AGAP1: variants seen among roughly 807,000 people sequenced by gnomAD.
The protein encoded by AGAP1 is ArfGAP with GTPase domain, ankyrin repeat and PH domain 1.
A neutral mutation model predicts 105.3 loss-of-function variants in AGAP1; 29 were observed. That is an observed-to-expected ratio of 0.28 (90% CI 0.21 to 0.38). The LOEUF (loss-of-function observed/expected upper bound fraction) is 0.38. Among genes scored for constraint, AGAP1 ranks in the 10% least tolerant of loss-of-function variants. AGAP1 has a pLI of 1.00. For missense variants in AGAP1, 998 were observed against 1,165.1 expected (o/e 0.86, Z 2.09); for synonymous variants, 509 against 485.9 (o/e 1.05, Z -0.63).
rs2057650322 is a variant in AGAP1 at position 236,044,299 on chromosome 2, G to A, written c.1891+3458G>A. Among the ~76,000 whole-genome samples the A allele has an allele frequency of 6.6e-6, 1 of 152,118 alleles. No homozygotes were observed. The highest frequency in any genetic ancestry group is 2.1e-4 in the South Asian group (1 of 4,804). ...GTGCCTGTTGCCTGCCTTCTGCCAGGAACATGCCAAGGAAAGTCCACACCT... is the reference window on the plus strand; with the variant it reads ...GTGCCTGTTGCCTGCCTTCTGCCAGAAACATGCCAAGGAAAGTCCACACCT... On this transcript the variant is annotated intron_variant, in intron 15 of 17. Coordinates refer to ENST00000304032, the MANE Select transcript of AGAP1 (RefSeq NM_001037131.3). This position sits in a 1 kb window ranked among gnomAD's most constrained non-coding sequence, Gnocchi z 5.7.
rs2125889887 is a variant in AGAP1 at position 236,096,973 on chromosome 2, G to A, written c.2115-23219G>A. Reference sequence around the variant, plus strand: ...TTTTACCAAATGCATTGAGCTGAATGGAAAAAACAAACTTTATTGGTAATA... The same window carrying A: ...TTTTACCAAATGCATTGAGCTGAATAGAAAAAACAAACTTTATTGGTAATA... On this transcript the variant is annotated intron_variant, in intron 16 of 17. Transcript: ENST00000304032. This position sits in a 1 kb window ranked among gnomAD's most constrained non-coding sequence, Gnocchi z 4.4. Among the ~76,000 whole-genome samples, 1 of 152,220 alleles carries A rather than the reference G, an allele frequency of 6.6e-6. No homozygotes were observed. The highest frequency in any genetic ancestry group is 2.4e-5 in the African/African-American group (1 of 41,538).
In AGAP1 at chr2:236,012,894, G is replaced by T. The variant is rs958316198; in HGVS notation, c.1646-23667G>T. 6.6e-6 allele frequency among the ~76,000 whole-genome samples: 1 copy of T among 152,034 alleles called. No homozygotes were observed. The highest frequency in any genetic ancestry group is 1.5e-5 in the Non-Finnish European group (1 of 67,996). ...CCAGAGTAGCTGGGATTATAGGCGT[G>T]CCCCACCATGCACAGCTAATTTTTG... On this transcript the variant is annotated intron_variant, in intron 13 of 17. Coordinates refer to ENST00000304032, the MANE Select transcript of AGAP1 (RefSeq NM_001037131.3). This position sits in a 1 kb window ranked among gnomAD's most constrained non-coding sequence, Gnocchi z 4.9.
In AGAP1 at chr2:235,869,420, TAAAAAAAAAAAAA is replaced by T. The variant is rs35813316; in HGVS notation, c.1051-13906_1051-13894del. 8.6e-4 allele frequency among the ~76,000 whole-genome samples: 43 copies of T among 49,958 alleles called. No homozygotes were observed. In the East Asian group the frequency reaches 0.015, roughly 17 times the overall value. 32.8% of individuals were successfully genotyped at this position (49,958 alleles called of 152,430 possible). A position where few individuals can be genotyped will look rare whatever the true frequency, so the allele number is the denominator to read the frequency against. ...CAACATGGTGAAACTCCATCTCTAC[TAAAAAAAAAAAAA>T]AAAAAAAAAAAAAAAAAATTAGCCG... On this transcript the variant is annotated intron_variant, in intron 9 of 17. Coordinates refer to ENST00000304032, the MANE Select transcript of AGAP1 (RefSeq NM_001037131.3).
chr2:236,049,361 C>T lies in AGAP1; in HGVS notation c.2114+80C>T, dbSNP rs1314709794. On this transcript the variant is annotated intron_variant, in intron 16 of 17. Coordinates refer to ENST00000304032, the MANE Select transcript of AGAP1 (RefSeq NM_001037131.3). ...CTGGAAGTGATCATAATGACAGCCA[C>T]GGTTGGGAAGGCCCTGATAACCTGT... 25 of 1,333,916 alleles carry T rather than the reference C, an allele frequency of 1.9e-5. No individual in the cohort carries two copies. The Middle Eastern group carries it at 7.1e-4, about 38-fold the overall frequency. 82.6% of individuals were successfully genotyped at this position (1,333,916 alleles called of 1,614,324 possible). A position where few individuals can be genotyped will look rare whatever the true frequency, so the allele number is the denominator to read the frequency against.
At chr2:235,538,345 C>CA (rs1943308281) in intron 1 of AGAP1, among the ~76,000 whole-genome samples, 1 of 151,878 alleles carries the variant, frequency 6.6e-6, no homozygotes, top group African/African-American at 2.4e-5. Flanking sequence ...TATTCAATCA[C>CA]AAAATGCATT....
Position 236,125,214 on chromosome 2 carries a change from T to C in AGAP1, c.*1092T>C, listed in dbSNP as rs2059984075. The C allele has an allele frequency of 6.4e-6, 1 of 156,416 alleles. No individual in the cohort carries two copies. Among genetic ancestry groups the C allele is most frequent in the African/African-American group, 2.4e-5 (1 of 41,430 alleles). 9.7% of individuals were successfully genotyped at this position (156,416 alleles called of 1,614,324 possible). On this transcript the variant is annotated 3_prime_UTR_variant, in exon 18 of 18. Coordinates refer to ENST00000304032, the MANE Select transcript of AGAP1 (RefSeq NM_001037131.3). This position sits in a 1 kb window ranked among gnomAD's most constrained non-coding sequence, Gnocchi z 5.2. ...TTCTGTGTTATGTATTTAGATAAGATGTGTGAAAATATATTTGAATAAAAG... is the reference window on the plus strand; with the variant it reads ...TTCTGTGTTATGTATTTAGATAAGACGTGTGAAAATATATTTGAATAAAAG...
At chr2:235,680,979 A>G (rs1431561241) in intron 1 of AGAP1, among the ~76,000 whole-genome samples, 2 of 152,050 alleles carry the variant, frequency 1.3e-5, no homozygotes, top group African/African-American at 2.4e-5. Context: ...TCAGCTGGGC[A>G]GTTTGCTGGC....
At chr2:235,784,734 T>C (rs1292245322) in intron 6 of AGAP1, among the ~76,000 whole-genome samples, 1 of 152,184 alleles carries the variant, frequency 6.6e-6, no homozygotes, top group Non-Finnish European at 1.5e-5. Flanking sequence ...TAAAAATGTT[T>C]ATGTGGACCC....
In AGAP1 at chr2:235,664,208, T is replaced by C. The variant is rs184503162; in HGVS notation, c.164-44971T>C. Among the ~76,000 whole-genome samples the C allele has an allele frequency of 1.2e-4, 18 of 151,996 alleles. No homozygotes were observed. Among genetic ancestry groups the C allele is most frequent in the Admixed American group, 5.9e-4 (9 of 15,264 alleles). On this transcript the variant is annotated intron_variant, in intron 1 of 17. Transcript: ENST00000304032. This position sits in a 1 kb window ranked among gnomAD's most constrained non-coding sequence, Gnocchi z 5.7. ...ATAGATTGGATTTTAATATATAGTTTGTTTTTTTGTTTTTTTTTTCGAGAC... is the reference window on the plus strand; with the variant it reads ...ATAGATTGGATTTTAATATATAGTTCGTTTTTTTGTTTTTTTTTTCGAGAC...
intron 9 of AGAP1, among the ~76,000 whole-genome samples, chr2:235,823,473 G>A (rs772688785): frequency 6.6e-6 from 1 of 152,084 alleles, no homozygotes; most frequent in Non-Finnish European, 1.5e-5. Flanking sequence ...CAGAATTACA[G>A]TGAACTGCCC....
rs565884189 is a variant in AGAP1 at position 235,792,333 on chromosome 2, A to T, written c.674-5426A>T. 6.6e-6 allele frequency among the ~76,000 whole-genome samples: 1 copy of T among 152,298 alleles called. No homozygotes were observed. The highest frequency in any genetic ancestry group is 6.5e-5 in the Admixed American group (1 of 15,300). ...CCCACAAAGCTTTTGCATGGGGTTC[A>T]TCTGCCTATTCCAGGAGAGACTATG... On this transcript the variant is annotated intron_variant, in intron 6 of 17. Transcript: ENST00000304032. This position sits in a 1 kb window ranked among gnomAD's most constrained non-coding sequence, Gnocchi z 5.3.
chr2:235,546,196 T>C (rs1435885760), intron 1 of AGAP1, among the ~76,000 whole-genome samples: 1 of 152,218 alleles, frequency 6.6e-6, no homozygotes, highest in East Asian at 1.9e-4. Context: ...GATTTCTTAT[T>C]TTGTGTGACT....
intron 12 of AGAP1, among the ~76,000 whole-genome samples, chr2:235,944,773 G>T (rs968053374): frequency 1.4e-4 from 21 of 152,296 alleles, no homozygotes; most frequent in African/African-American, 5.1e-4. Context: ...TCAGAAGGCA[G>T]TGGCAGCGAC....
chr2:235,805,055 T>A (rs1269022438), intron 8 of AGAP1, among the ~76,000 whole-genome samples: 2 of 152,250 alleles, frequency 1.3e-5, no homozygotes, highest in African/African-American at 2.4e-5. Context: ...TGGATTTAAA[T>A]TTTATGGATA....
chr2:236,102,542 C>A (rs907853984), intron 16 of AGAP1, among the ~76,000 whole-genome samples: 1 of 149,058 alleles, frequency 6.7e-6, no homozygotes, highest in Non-Finnish European at 1.5e-5. Context: ...GAGCTGAGAT[C>A]GCGTCATTGC....
rs560867144 is a variant in AGAP1, at chr2:235,594,516, A to C, written c.163+99667A>C. Among the ~76,000 whole-genome samples, 19 of 152,154 alleles carry C rather than the reference A, an allele frequency of 1.2e-4. No individual in the cohort carries two copies. The South Asian group carries it at 3.7e-3, about 30-fold the overall frequency. ...TCTCTGTGGGCCAGGTACTGTGTTC[A>C]GCATTTCATGAGATTTATCAATTTT... is the stretch of plus-strand genomic sequence containing the variant. On this transcript the variant is annotated intron_variant, in intron 1 of 17. Transcript: ENST00000304032.
At chr2:235,986,725 A>G (rs1414897438) in intron 13 of AGAP1, among the ~76,000 whole-genome samples, 1 of 152,228 alleles carries the variant, frequency 6.6e-6, no homozygotes. Flanking sequence ...ATCTATTGAT[A>G]TAATGATGTG....
intron 9 of AGAP1, among the ~76,000 whole-genome samples, chr2:235,862,054 G>A (rs1003854316): frequency 1.3e-5 from 2 of 152,102 alleles, no homozygotes; most frequent in Non-Finnish European, 2.9e-5. Flanking sequence ...TTGTACTACC[G>A]GATGGCTTAG....
Position 236,105,823 on chromosome 2 carries a change from T to C in AGAP1, c.2115-14369T>C, listed in dbSNP as rs2059475257. ...CATGTTAGCCAGGGTGGTCTCGATC[T>C]CCTGACCTCATGATCCACCCTCCTC... On this transcript the variant is annotated intron_variant, in intron 16 of 17. Coordinates refer to ENST00000304032, the MANE Select transcript of AGAP1 (RefSeq NM_001037131.3). The surrounding 1 kb of genome is among the most constrained non-coding windows in gnomAD (Gnocchi z 4.2). Among the ~76,000 whole-genome samples the C allele has an allele frequency of 6.6e-6, 1 of 152,152 alleles. No homozygotes were observed. The highest frequency in any genetic ancestry group is 6.5e-5 in the Admixed American group (1 of 15,272).
Sources: gnomAD v4.1 joint callset for allele counts (sites outside exome capture counted in the v4.1 genomes callset) on GRCh38, gnomAD v4.1.1 for gene constraint, Gnocchi (gnomAD v3.1) non-coding constraint, MANE v1.5 for transcripts, NCBI Gene and HGNC (gene_info 2026-07-23, HGNC 2026-07-21) for gene names.